GNA14: variants seen among roughly 807,000 people sequenced by gnomAD.
GNA14 encodes G protein subunit alpha 14, also known as guanine nucleotide-binding protein subunit alpha-14.
In GNA14, 50 loss-of-function variants were observed where a neutral mutation model predicts 42.0. The observed-to-expected ratio is 1.19, with a 90% confidence interval of 0.95 to 1.51. GNA14 has a LOEUF of 1.51. Ranked by LOEUF, GNA14 falls within the 40% of genes most tolerant of loss-of-function variation. The pLI, the probability that GNA14 is intolerant of heterozygous loss-of-function variation, is 0.00. For missense variants in GNA14, 473 were observed against 446.2 expected (o/e 1.06, Z -0.54); for synonymous variants, 173 against 163.1 (o/e 1.06, Z -0.46).
At chr9:77,577,649 T>C (rs1173131686) in intron 1 of GNA14, among the ~76,000 whole-genome samples, 1 of 152,204 alleles carries the variant, frequency 6.6e-6, no homozygotes, top group African/African-American at 2.4e-5. Flanking sequence ...CTTAAACTTC[T>C]GATATTCCCC....
At chr9:77,519,005 CA>C (rs2131758077) in intron 2 of GNA14, among the ~76,000 whole-genome samples, 1 of 152,300 alleles carries the variant, frequency 6.6e-6, no homozygotes, top group South Asian at 2.1e-4. Flanking sequence ...TACAATGTCA[CA>C]AAGCTCCCTG....
intron 1 of GNA14, among the ~76,000 whole-genome samples, chr9:77,603,956 CAAAAAA>C (rs67044542): frequency 0.32 from 26,635 of 82,460 alleles, 1,118 homozygotes; most frequent in Non-Finnish European, 0.37. Flanking sequence ...AAAAAAAAAA[CAAAAAA>C]AAAAAAAAAA....
At chr9:77,501,334 T>G (rs1587802666) in intron 2 of GNA14, among the ~76,000 whole-genome samples, 1 of 152,326 alleles carries the variant, frequency 6.6e-6, no homozygotes, top group Non-Finnish European at 1.5e-5. Context: ...ACATGAATGG[T>G]TTAGTTCCTC....
intron 2 of GNA14, among the ~76,000 whole-genome samples, chr9:77,519,759 C>T (rs1191500265): frequency 6.6e-6 from 1 of 152,054 alleles, no homozygotes; most frequent in East Asian, 1.9e-4. Context: ...ACCTGTAGTC[C>T]CAGCACTTTG....
At chr9:77,602,747 T>C (rs1823588821) in intron 1 of GNA14, among the ~76,000 whole-genome samples, 1 of 152,154 alleles carries the variant, frequency 6.6e-6, no homozygotes, top group African/African-American at 2.4e-5. Context: ...CCCACAACTT[T>C]CCCAATTTAA....
At chr9:77,637,893 C>A (rs1349643794) in intron 1 of GNA14, among the ~76,000 whole-genome samples, 1 of 152,130 alleles carries the variant, frequency 6.6e-6, no homozygotes, top group Admixed American at 6.5e-5. Context: ...TGTTCATATT[C>A]TAGAAAACTT....
chr9:77,490,922 A>G (rs1297480074), intron 2 of GNA14, among the ~76,000 whole-genome samples: 1 of 152,250 alleles, frequency 6.6e-6, no homozygotes, highest in Non-Finnish European at 1.5e-5. Flanking sequence ...GGCTGTGAGG[A>G]CTGCCAGCAC....
intron 1 of GNA14, among the ~76,000 whole-genome samples, chr9:77,548,428 T>C (rs1387600678): frequency 6.6e-6 from 1 of 152,166 alleles, no homozygotes; most frequent in East Asian, 1.9e-4. Flanking sequence ...CATTCACAGG[T>C]TCCAAATTCA....
rs563864187 is a variant in GNA14, at chr9:77,454,910, A to G, written c.310-20388T>C. On this transcript the variant is annotated intron_variant, in intron 2 of 6. Coordinates refer to ENST00000341700, the MANE Select transcript of GNA14 (RefSeq NM_004297.4). Reference sequence around the variant, plus strand: ...TAGATGTTCTGGATTTTATTTCTGAATCTATTCAAAGGCTGTGGATTCCAG... The same window carrying G: ...TAGATGTTCTGGATTTTATTTCTGAGTCTATTCAAAGGCTGTGGATTCCAG... Among the ~76,000 whole-genome samples, 23 of 152,318 alleles carry G rather than the reference A, an allele frequency of 1.5e-4. No homozygotes were observed. The South Asian group carries it at 3.7e-3, about 25-fold the overall frequency.
Position 77,423,897 on chromosome 9 carries a change from G to C in GNA14, c.*82C>G. On this transcript the variant is annotated 3_prime_UTR_variant, in exon 7 of 7. Coordinates refer to ENST00000341700, the MANE Select transcript of GNA14 (RefSeq NM_004297.4). ...AGTTCCTGGCATGGGGCTGGCTCTG[G>C]TGATGTCAGAAGCACTTGCAAATAA... The C allele has an allele frequency of 1.0e-6, 1 of 958,770 alleles. No homozygotes were observed. Among genetic ancestry groups the C allele is most frequent in the Non-Finnish European group, 1.6e-6 (1 of 642,732 alleles). The allele number at this position is 958,770 out of a possible 1,614,324, so 59.4% of individuals were successfully genotyped here.
At chr9:77,500,695 A>T (rs1228307653) in intron 2 of GNA14, among the ~76,000 whole-genome samples, 1 of 152,212 alleles carries the variant, frequency 6.6e-6, no homozygotes, top group South Asian at 2.1e-4. Context: ...AAATGAAATC[A>T]TATAGTATGT....
intron 1 of GNA14, among the ~76,000 whole-genome samples, chr9:77,537,513 T>G (rs1837612339): frequency 6.6e-6 from 1 of 152,354 alleles, no homozygotes; most frequent in Non-Finnish European, 1.5e-5. Context: ...TCCTTATCTT[T>G]GCTATTGTGA....
chr9:77,552,014 C>T (rs1432408251), intron 1 of GNA14, among the ~76,000 whole-genome samples: 2 of 150,390 alleles, frequency 1.3e-5, no homozygotes, highest in Non-Finnish European at 2.9e-5. Flanking sequence ...GTGGTGGGCA[C>T]TGGTAATCCC....
chr9:77,514,298 G>A (rs187353975), intron 2 of GNA14, among the ~76,000 whole-genome samples: 136 of 152,224 alleles, frequency 8.9e-4, no homozygotes, highest in African/African-American at 3.0e-3. Flanking sequence ...AGCTGAGCAC[G>A]TCCTCTGAGG....
chr9:77,507,495 G>A (rs940648453), intron 2 of GNA14, among the ~76,000 whole-genome samples: 4 of 152,040 alleles, frequency 2.6e-5, no homozygotes, highest in African/African-American at 4.8e-5. Flanking sequence ...AAATGTCACC[G>A]TCAAAGCCAA....
intron 1 of GNA14, among the ~76,000 whole-genome samples, chr9:77,535,420 T>C (rs112396531): frequency 0.02 from 3,108 of 152,144 alleles, 116 homozygotes; most frequent in African/African-American, 0.071. Context: ...GGCGGGCGCC[T>C]GTAGTCCCAG....
At chr9:77,619,155 A>AGAC (rs1391230385) in intron 1 of GNA14, among the ~76,000 whole-genome samples, 1 of 152,088 alleles carries the variant, frequency 6.6e-6, no homozygotes, top group Non-Finnish European at 1.5e-5. Context: ...AGCACATACC[A>AGAC]GACCCTTGCC....
intron 4 of GNA14, among the ~76,000 whole-genome samples, chr9:77,430,993 C>T (rs1835540544): frequency 7.4e-6 from 1 of 135,846 alleles, no homozygotes; most frequent in African/African-American, 2.9e-5. Flanking sequence ...ATAATCACTA[C>T]ATTCAATTTG....
At chr9:77,630,638 C>A (rs1824083043) in intron 1 of GNA14, among the ~76,000 whole-genome samples, 1 of 152,074 alleles carries the variant, frequency 6.6e-6, no homozygotes, top group Admixed American at 6.5e-5. Context: ...TAAGAAACAT[C>A]CCTTTAATTT....
Sources: gnomAD v4.1 joint callset for allele counts (sites outside exome capture counted in the v4.1 genomes callset) on GRCh38, gnomAD v4.1.1 for gene constraint, MANE v1.5 for transcripts, NCBI Gene and HGNC (gene_info 2026-07-23, HGNC 2026-07-21) for gene names.